BNC2: variants seen among roughly 807,000 people sequenced by gnomAD.
The protein encoded by BNC2 is basonuclin zinc finger protein 2.
BNC2 carries 20 observed loss-of-function variants against 76.3 expected under a neutral mutation model. The ratio of observed to expected loss-of-function variants is 0.26; its 90% CI spans 0.18 to 0.38. BNC2 has a LOEUF of 0.38. BNC2 is among the 10% of genes least tolerant of loss of function. BNC2 has a pLI of 1.00. For synonymous variants in BNC2, 582 were observed against 514.8 expected (o/e 1.13, Z -1.77); for missense variants, 1,382 against 1,399.8 (o/e 0.99, Z 0.20).
At chr9:16,594,888 G>C (rs1284451936) in intron 3 of BNC2, among the ~76,000 whole-genome samples, 1 of 152,082 alleles carries the variant, frequency 6.6e-6, no homozygotes, top group Non-Finnish European at 1.5e-5. Flanking sequence ...GATTTCCTCA[G>C]ATATGTTTTC....
At chr9:16,814,953 A>C (rs1183434296) in intron 1 of BNC2, among the ~76,000 whole-genome samples, 1 of 152,168 alleles carries the variant, frequency 6.6e-6, no homozygotes, top group Non-Finnish European at 1.5e-5. Flanking sequence ...TCAGATGATT[A>C]TCTCTAACTT....
intron 3 of BNC2, among the ~76,000 whole-genome samples, chr9:16,647,208 A>G (rs1448998280): frequency 6.6e-6 from 1 of 152,132 alleles, no homozygotes; most frequent in Non-Finnish European, 1.5e-5. Context: ...ACATGTTCCA[A>G]TTAACTCCAC....
intron 3 of BNC2, among the ~76,000 whole-genome samples, chr9:16,653,162 C>A (rs1401330677): frequency 2.6e-5 from 4 of 152,182 alleles, no homozygotes; most frequent in South Asian, 2.1e-4. Flanking sequence ...TATAAAGAGA[C>A]CTGCAGATTC....
intron 3 of BNC2, among the ~76,000 whole-genome samples, chr9:16,677,625 A>G (rs118003834): frequency 0.018 from 2,660 of 144,416 alleles, 34 homozygotes; most frequent in South Asian, 0.064. Flanking sequence ...TATCCTGACT[A>G]CTGGTCATTC....
intron 3 of BNC2, among the ~76,000 whole-genome samples, chr9:16,653,445 T>G (rs1821845119): frequency 6.6e-6 from 1 of 152,220 alleles, no homozygotes; most frequent in Admixed American, 6.5e-5. Context: ...TCAGTTTATC[T>G]CACGGACAAA....
intron 3 of BNC2, among the ~76,000 whole-genome samples, chr9:16,613,745 T>G (rs1192122502): frequency 6.6e-6 from 1 of 152,164 alleles, no homozygotes; most frequent in Non-Finnish European, 1.5e-5. Context: ...AAATCCTGGG[T>G]AACCAGGACA....
intron 3 of BNC2, among the ~76,000 whole-genome samples, chr9:16,632,425 CG>C (rs1563872570): frequency 1.9e-5 from 2 of 103,866 alleles, no homozygotes; most frequent in African/African-American, 1.2e-4. Flanking sequence ...AAGACTAAAA[CG>C]GGAAAAAAAA....
intron 1 of BNC2, among the ~76,000 whole-genome samples, chr9:16,806,601 G>A (rs567140310): frequency 3.9e-5 from 6 of 152,144 alleles, no homozygotes; most frequent in East Asian, 1.9e-4. Flanking sequence ...TTGTCTGAAG[G>A]GGTGTTGGAG....
chr9:16,557,855 G>T (rs1200791090), intron 4 of BNC2, among the ~76,000 whole-genome samples: 3 of 148,010 alleles, frequency 2.0e-5, no homozygotes, highest in African/African-American at 2.5e-5. Flanking sequence ...TTTTTTTTTT[G>T]TTGTTGTTTG....
intron 6 of BNC2, among the ~76,000 whole-genome samples, chr9:16,424,611 C>T (rs187068806): frequency 9.7e-4 from 148 of 152,090 alleles, no homozygotes; most frequent in African/African-American, 3.5e-3. Context: ...ATATGCATGC[C>T]TATTTGTCTG....
chr9:16,681,966 G>T (rs903211814), intron 3 of BNC2, among the ~76,000 whole-genome samples: 1 of 151,814 alleles, frequency 6.6e-6, no homozygotes, highest in Non-Finnish European at 1.5e-5. Context: ...AAGGCTACTG[G>T]TCCACTTAGA....
chr9:16,628,024 CAT>C (rs1821047204), intron 3 of BNC2, among the ~76,000 whole-genome samples: 2 of 152,150 alleles, frequency 1.3e-5, no homozygotes, highest in African/African-American at 2.4e-5. Flanking sequence ...TAAGAAGTCA[CAT>C]GTTTCCATTG....
intron 1 of BNC2, among the ~76,000 whole-genome samples, chr9:16,847,704 C>G (rs1036526848): frequency 6.6e-6 from 1 of 152,126 alleles, no homozygotes; most frequent in Non-Finnish European, 1.5e-5. Flanking sequence ...AAACACAAAA[C>G]TATTGAATAA....
intron 3 of BNC2, among the ~76,000 whole-genome samples, chr9:16,636,462 C>T (rs1821330099): frequency 6.6e-6 from 1 of 152,036 alleles, no homozygotes; most frequent in Admixed American, 6.5e-5. Flanking sequence ...GCAACCACAC[C>T]CAGCTAATTT....
chr9:16,681,723 C>T (rs1822827032), intron 3 of BNC2, among the ~76,000 whole-genome samples: 2 of 152,134 alleles, frequency 1.3e-5, no homozygotes, highest in Admixed American at 1.3e-4. Flanking sequence ...AGTCACTTGA[C>T]TTGTTAAAGC....
chr9:16,753,080 T>G (rs1825268507), intron 1 of BNC2, among the ~76,000 whole-genome samples: 1 of 152,224 alleles, frequency 6.6e-6, no homozygotes. Context: ...CCTGAAACTG[T>G]GTATTTTAAC....
intron 3 of BNC2, among the ~76,000 whole-genome samples, chr9:16,722,983 G>A (rs1179518580): frequency 6.6e-6 from 1 of 152,004 alleles, no homozygotes; most frequent in Admixed American, 6.6e-5. Flanking sequence ...ACAATATACT[G>A]AGAATTATAT....
At chr9:16,788,421 T>C (rs551644592) in intron 1 of BNC2, among the ~76,000 whole-genome samples, 239 of 151,888 alleles carry the variant, frequency 1.6e-3, no homozygotes, top group African/African-American at 2.2e-3. Context: ...GGCGTGGTGG[T>C]AGGCTCCTGT....
chr9:16,454,152 T>C (rs1821398168), intron 5 of BNC2, among the ~76,000 whole-genome samples: 2 of 152,196 alleles, frequency 1.3e-5, no homozygotes, highest in African/African-American at 4.8e-5. Context: ...GTTTTTTTAA[T>C]CACATTCTAT....
Sources: gnomAD v4.1 joint callset for allele counts (sites outside exome capture counted in the v4.1 genomes callset) on GRCh38, gnomAD v4.1.1 for gene constraint, MANE v1.5 for transcripts, NCBI Gene and HGNC (gene_info 2026-07-23, HGNC 2026-07-21) for gene names.